The following FCHSD2 variants were observed in gnomAD, a reference collection of about 807,000 sequenced individuals.
The protein encoded by FCHSD2 is FCH and double SH3 domains 2, also known as F-BAR and double SH3 domains protein 2.
Under a neutral mutation model 108.1 loss-of-function variants are expected in FCHSD2, and 38 were observed. The ratio of observed to expected loss-of-function variants is 0.35; its 90% confidence interval spans 0.27 to 0.46. FCHSD2 has a LOEUF of 0.46. Ranked by LOEUF, FCHSD2 falls within the 20% of genes least tolerant of loss-of-function variation. FCHSD2 has a pLI of 1.00. For synonymous variants in FCHSD2, 279 were observed against 314.7 expected (o/e 0.89, Z 1.20); for missense variants, 751 against 897.8 (o/e 0.84, Z 2.09).
At chr11:72,862,211 A>G (rs1428105089) in intron 13 of FCHSD2, among the ~76,000 whole-genome samples, 1 of 152,224 alleles carries the variant, frequency 6.6e-6, no homozygotes, top group African/African-American at 2.4e-5. Flanking sequence ...GTTCAAGAAC[A>G]AGGCAAGGAT....
chr11:72,893,893 T>C (rs1855369135), intron 10 of FCHSD2, among the ~76,000 whole-genome samples: 1 of 152,224 alleles, frequency 6.6e-6, no homozygotes, highest in African/African-American at 2.4e-5. Context: ...CTTTAAGTCA[T>C]CTTAACTATT....
intron 8 of FCHSD2, among the ~76,000 whole-genome samples, chr11:72,951,601 A>C (rs1565338565): frequency 6.6e-6 from 1 of 152,164 alleles, no homozygotes; most frequent in Non-Finnish European, 1.5e-5. Context: ...GAATCCTTAA[A>C]AATCTCACCC....
intron 8 of FCHSD2, among the ~76,000 whole-genome samples, chr11:72,980,214 G>T (rs57731198): frequency 0.019 from 2,867 of 152,200 alleles, 50 homozygotes; most frequent in African/African-American, 0.048. Context: ...TGAAGAGGGG[G>T]GAAAAGTTGA....
chr11:72,886,084 G>T (rs200590736), intron 12 of FCHSD2, among the ~76,000 whole-genome samples: 1 of 152,164 alleles, frequency 6.6e-6, no homozygotes, highest in South Asian at 2.1e-4. Flanking sequence ...AACCTCTGGA[G>T]TTCTAAGGGG....
intron 6 of FCHSD2, among the ~76,000 whole-genome samples, chr11:72,988,592 A>C (rs1325629097): frequency 1.3e-5 from 2 of 152,196 alleles, no homozygotes; most frequent in African/African-American, 4.8e-5. Flanking sequence ...AGGAATTTCC[A>C]ACTACAACTG....
chr11:72,859,136 G>A (rs1314074901), intron 13 of FCHSD2, among the ~76,000 whole-genome samples: 1 of 152,116 alleles, frequency 6.6e-6, no homozygotes, highest in Admixed American at 6.5e-5. Flanking sequence ...CCTTATGTGT[G>A]GTTTGGCTTT....
intron 8 of FCHSD2, among the ~76,000 whole-genome samples, chr11:72,932,904 C>A (rs1373699514): frequency 6.6e-6 from 1 of 152,082 alleles, no homozygotes; most frequent in African/African-American, 2.4e-5. Context: ...ATGAATAAAC[C>A]TATACTTGAG....
At chr11:73,103,535 T>G (rs77154202) in intron 2 of FCHSD2, among the ~76,000 whole-genome samples, 11,023 of 152,246 alleles carry the variant, frequency 0.072, 533 homozygotes, top group South Asian at 0.16. Flanking sequence ...TATTGCTAAC[T>G]ATATTACATT....
At chr11:72,984,324 G>C in intron 7 of FCHSD2, 108 bp from the exon 8 acceptor site, 1 of 968,530 alleles carries the variant, frequency 1.0e-6, no homozygotes, top group South Asian at 1.5e-5. Context: ...CAAGAATAAA[G>C]GTAACCACGT....
intron 2 of FCHSD2, among the ~76,000 whole-genome samples, chr11:73,099,812 G>C (rs1423030572): frequency 6.6e-6 from 1 of 152,138 alleles, no homozygotes; most frequent in Non-Finnish European, 1.5e-5. Flanking sequence ...GAGTGCGAAG[G>C]GAAGCCAGGA....
intron 4 of FCHSD2, among the ~76,000 whole-genome samples, chr11:73,006,733 T>C (rs1428406274): frequency 6.6e-6 from 1 of 152,268 alleles, no homozygotes; most frequent in East Asian, 1.9e-4. Context: ...TATGTTTAAT[T>C]ATTCACTTGT....
At chr11:72,867,821 T>G in intron 13 of FCHSD2, 44 bp downstream of exon 13, 1 of 1,567,712 alleles carries the variant, frequency 6.4e-7, no homozygotes, top group South Asian at 1.2e-5. Context: ...CAAAGCATGC[T>G]TCAGTGAAAA....
chr11:72,867,269 C>T (rs542715478), intron 13 of FCHSD2, among the ~76,000 whole-genome samples: 1 of 152,148 alleles, frequency 6.6e-6, no homozygotes, highest in South Asian at 2.1e-4. Flanking sequence ...CTTAGATCTC[C>T]AACATGAAAA....
intron 2 of FCHSD2, among the ~76,000 whole-genome samples, chr11:73,125,838 T>C: frequency 6.6e-6 from 1 of 152,178 alleles, no homozygotes; most frequent in East Asian, 1.9e-4. Context: ...TCAATGTAAC[T>C]AAGAAAAACT....
intron 8 of FCHSD2, among the ~76,000 whole-genome samples, chr11:72,941,837 CA>C (rs1565333822): frequency 6.6e-6 from 1 of 151,028 alleles, no homozygotes; most frequent in Non-Finnish European, 1.5e-5. Context: ...AATGTAGCTT[CA>C]AAAAAAGATA....
chr11:73,006,296 C>A (rs997752775), intron 4 of FCHSD2, among the ~76,000 whole-genome samples: 1 of 152,138 alleles, frequency 6.6e-6, no homozygotes, highest in African/African-American at 2.4e-5. Context: ...TTAGTAGGCA[C>A]CTTTACACCT....
At chr11:73,075,582 A>G (rs1183056751) in intron 3 of FCHSD2, among the ~76,000 whole-genome samples, 3 of 152,222 alleles carry the variant, frequency 2.0e-5, no homozygotes, top group Non-Finnish European at 4.4e-5. Flanking sequence ...GTGGGAGGCC[A>G]AGGAGGACGG....
intron 12 of FCHSD2, among the ~76,000 whole-genome samples, chr11:72,868,672 C>T (rs1326581152): frequency 2.0e-5 from 3 of 151,480 alleles, no homozygotes; most frequent in Non-Finnish European, 4.4e-5. Flanking sequence ...GCCTGGGTGA[C>T]AGAGCAAGAC....
chr11:72,967,237 T>C (rs1027933679), intron 8 of FCHSD2, among the ~76,000 whole-genome samples: 6 of 146,914 alleles, frequency 4.1e-5, no homozygotes, highest in African/African-American at 1.5e-4. Flanking sequence ...TAAATGAGGA[T>C]AGTGAAGAGA....
Sources: gnomAD v4.1 joint callset for allele counts (sites outside exome capture counted in the v4.1 genomes callset) on GRCh38, gnomAD v4.1.1 for gene constraint, MANE v1.5 for transcripts, NCBI Gene and HGNC (gene_info 2026-07-23, HGNC 2026-07-21) for gene names.